CLEC16A: variants seen among roughly 807,000 people sequenced by gnomAD.
CLEC16A encodes the protein protein CLEC16A.
A neutral mutation model predicts 109.5 loss-of-function variants in CLEC16A; 51 were observed. The ratio of observed to expected loss-of-function variants is 0.47; its 90% confidence interval spans 0.37 to 0.59. The LOEUF (loss-of-function observed/expected upper bound fraction) is 0.59. Ranked by LOEUF, CLEC16A falls within the 20% of genes least tolerant of loss-of-function variation. CLEC16A has a pLI of 0.00. For missense variants in CLEC16A, 1,339 were observed against 1,394.0 expected, an observed-to-expected ratio of 0.96 and a Z score of 0.63; for synonymous variants, 673 against 564.2, an observed-to-expected ratio of 1.19 and a Z score of -2.73.
chr16:11,038,774 G>C (rs1428903847), intron 13 of CLEC16A, among the ~76,000 whole-genome samples: 1 of 151,972 alleles, frequency 6.6e-6, no homozygotes, highest in African/African-American at 2.4e-5. Flanking sequence ...AGTAATTGCG[G>C]TGTTCCAATT....
intron 19 of CLEC16A, among the ~76,000 whole-genome samples, chr16:11,101,368 G>A (rs1567318689): frequency 6.6e-6 from 1 of 152,084 alleles, no homozygotes; most frequent in South Asian, 2.1e-4. Context: ...TCATATCCCA[G>A]CCCCAACAAA....
At chr16:10,948,794 C>T (rs567407653) in intron 1 of CLEC16A, among the ~76,000 whole-genome samples, 1 of 152,310 alleles carries the variant, frequency 6.6e-6, no homozygotes, top group South Asian at 2.1e-4. Context: ...CGGCCTTTTT[C>T]CACCTTTCAG....
At chr16:11,052,055 C>T (rs932685380) in intron 18 of CLEC16A, among the ~76,000 whole-genome samples, 1 of 152,202 alleles carries the variant, frequency 6.6e-6, no homozygotes. Context: ...AAGGCATCTA[C>T]CTGCTCTTGG....
At chr16:11,171,034 C>T (rs896084918) in intron 23 of CLEC16A, among the ~76,000 whole-genome samples, 1 of 152,214 alleles carries the variant, frequency 6.6e-6, no homozygotes, top group Non-Finnish European at 1.5e-5. Flanking sequence ...CTCCTAGAGA[C>T]CAGTGGATTC....
chr16:11,038,452 G>GAGCAGAT (rs928014994), intron 13 of CLEC16A, among the ~76,000 whole-genome samples: 5 of 152,172 alleles, frequency 3.3e-5, no homozygotes, highest in Admixed American at 6.5e-5. Flanking sequence ...CACGTCAGTT[G>GAGCAGAT]AGCAGATAAG....
intron 22 of CLEC16A, among the ~76,000 whole-genome samples, chr16:11,147,866 T>C (rs2153075176): frequency 6.6e-6 from 1 of 152,348 alleles, no homozygotes; most frequent in South Asian, 2.1e-4. Flanking sequence ...AAAAAGAAGT[T>C]GGAACCTGCA....
chr16:10,971,160 C>G lies in CLEC16A; in HGVS notation c.528C>G (p.Ile176Met), dbSNP rs1280375681. 1 of 1,613,592 alleles carries G rather than the reference C, an allele frequency of 6.2e-7. No individual in the cohort carries two copies. The highest frequency in any genetic ancestry group is 8.5e-7 in the Non-Finnish European group (1 of 1,179,676). Reference protein sequence around the residue: ...TNDFALYTEAIKFFNHPESMV... With the variant: ...TNDFALYTEAMKFFNHPESMV... Reference sequence around the variant, plus strand: ...ACTTTGCCCTGTACACAGAAGCCATCAAGTTTTTCAACCACCCTGAAAGCA... The same window carrying G: ...ACTTTGCCCTGTACACAGAAGCCATGAAGTTTTTCAACCACCCTGAAAGCA... The change falls in exon 5 of 24, where the codon ATC (isoleucine) becomes ATG (methionine). Residue 176 changes from isoleucine (I) to methionine (M), a missense_variant. Ile to Met is a conservative substitution (Grantham distance 10). This residue lies in a region of CLEC16A where 161 missense variants were observed against 267.1 expected (regional missense o/e 0.60). Transcript: ENST00000409790.
At chr16:10,985,509 T>C (rs1006047981) in intron 10 of CLEC16A, among the ~76,000 whole-genome samples, 10 of 151,010 alleles carry the variant, frequency 6.6e-5, no homozygotes, top group African/African-American at 2.4e-4. Context: ...GATGTTAATA[T>C]GTTAATAGCA....
chr16:11,086,820 C>G (rs996211457), intron 19 of CLEC16A, among the ~76,000 whole-genome samples: 1 of 152,190 alleles, frequency 6.6e-6, no homozygotes, highest in Admixed American at 6.5e-5. Context: ...TCCTGCCTTT[C>G]CAGAGCCTGG....
At chr16:10,978,166 AG>A (rs751096447) in intron 8 of CLEC16A, among the ~76,000 whole-genome samples, 1 of 152,210 alleles carries the variant, frequency 6.6e-6, no homozygotes, top group Non-Finnish European at 1.5e-5. Flanking sequence ...CAGGCCCCAG[AG>A]GCCTGTGGGG....
intron 4 of CLEC16A, among the ~76,000 whole-genome samples, chr16:10,969,990 C>A (rs1398298816): frequency 6.6e-6 from 1 of 152,182 alleles, no homozygotes; most frequent in Non-Finnish European, 1.5e-5. Context: ...ATGTCCCTGA[C>A]ATTCTTTGGG....
intron 19 of CLEC16A, among the ~76,000 whole-genome samples, chr16:11,077,414 G>A (rs1022695599): frequency 2.0e-5 from 3 of 150,290 alleles, no homozygotes; most frequent in Non-Finnish European, 3.0e-5. Context: ...GGAGGTTACA[G>A]TGAGCCAAGA....
At chr16:11,141,523 G>C (rs2153066784) in intron 22 of CLEC16A, among the ~76,000 whole-genome samples, 1 of 152,364 alleles carries the variant, frequency 6.6e-6, no homozygotes, top group African/African-American at 2.4e-5. Flanking sequence ...ATCTGGAGGG[G>C]TGCAAGGAGA....
At chr16:10,967,537 A>T (rs1375147259) in intron 3 of CLEC16A, among the ~76,000 whole-genome samples, 1 of 152,118 alleles carries the variant, frequency 6.6e-6, no homozygotes, top group Non-Finnish European at 1.5e-5. Context: ...CACCTGGCTA[A>T]AGCTGAGATT....
chr16:11,100,680 AT>A (rs2050866349), intron 19 of CLEC16A, among the ~76,000 whole-genome samples: 1 of 152,198 alleles, frequency 6.6e-6, no homozygotes, highest in African/African-American at 2.4e-5. Flanking sequence ...CTCATGTGTA[AT>A]GTGCAGATAA....
At chr16:11,126,785 C>T (rs866269822) in intron 22 of CLEC16A, 1 of 153,164 alleles carries the variant, frequency 6.5e-6, no homozygotes, top group East Asian at 1.9e-4. Flanking sequence ...GTATGCACCC[C>T]GATCCCTCGA....
intron 19 of CLEC16A, among the ~76,000 whole-genome samples, chr16:11,063,957 TG>T (rs1208363665): frequency 7.0e-6 from 1 of 142,508 alleles, no homozygotes; most frequent in East Asian, 2.0e-4. Context: ...GGAAGGAAGT[TG>T]AAGGGAAGGA....
chr16:11,077,189 G>A (rs1378709106), intron 19 of CLEC16A, among the ~76,000 whole-genome samples: 1 of 152,050 alleles, frequency 6.6e-6, no homozygotes, highest in East Asian at 1.9e-4. Context: ...TACTAAAAAG[G>A]TCGGGCGTGG....
At chr16:11,027,184 C>A (rs2046455903) in intron 13 of CLEC16A, 3 of 1,387,088 alleles carry the variant, frequency 2.2e-6, no homozygotes, top group Non-Finnish European at 1.0e-6. Flanking sequence ...CTACTGGAAT[C>A]ATTCCTACAT....
Sources: allele counts gnomAD v4.1 joint callset (sites outside exome capture counted in the v4.1 genomes callset), GRCh38; gene constraint gnomAD v4.1.1; regional missense constraint gnomAD v4.1.1; transcripts MANE v1.5; gene names NCBI Gene and HGNC (gene_info 2026-07-23, HGNC 2026-07-21).